The following BAX variants were observed in gnomAD, a reference collection of about 807,000 sequenced individuals.
BAX encodes the protein apoptosis regulator BAX.
In BAX, 21 loss-of-function variants were observed where a neutral mutation model predicts 26.8. That is an observed-to-expected ratio of 0.78 (90% CI 0.56 to 1.13). BAX has a LOEUF of 1.13. BAX is among the 50% of genes most tolerant of loss of function. The probability of loss-of-function intolerance (pLI) is 0.00; values close to 1 mark genes in which losing one functional copy is unlikely to be tolerated. For missense variants in BAX, 236 were observed against 254.6 expected (o/e 0.93, Z 0.50); for synonymous variants, 110 against 101.8 (o/e 1.08, Z -0.49).
At position 48,954,907 on chromosome 19, in the gene BAX, G is replaced by C. The variant is rs2038059753; in HGVS notation, c.-22G>C. On this transcript the variant is annotated 5_prime_UTR_variant, in exon 1 of 6. Transcript: ENST00000345358. Reference sequence around the variant, plus strand: ...GGCCGCCCGCGCGGACCCGGCGAGAGGCGGCGGCGGGAGCGGCGGTGATGG... The same window carrying C: ...GGCCGCCCGCGCGGACCCGGCGAGACGCGGCGGCGGGAGCGGCGGTGATGG... 1.6e-6 allele frequency: 2 copies of C among 1,232,352 alleles called. No individual in the cohort carries two copies. Among genetic ancestry groups the C allele is most frequent in the African/African-American group, 1.6e-5 (1 of 64,352 alleles). 76.3% of individuals were successfully genotyped at this position (1,232,352 alleles called of 1,614,324 possible).
At chr19:48,958,345 ATT>A (rs34043541) in intron 4 of BAX, among the ~76,000 whole-genome samples, 673 of 64,454 alleles carry the variant, frequency 0.01, 3 homozygotes, top group African/African-American at 0.033. Context: ...TTTTTGGAAG[ATT>A]TTTTTTTTTT....
chr19:48,954,924 C>A lies in BAX; in HGVS notation c.-5C>A. ...CGGCGAGAGGCGGCGGCGGGAGCGGCGGTGATGGACGGGTCCGGGGAGCAG... is the reference window on the plus strand; with the variant it reads ...CGGCGAGAGGCGGCGGCGGGAGCGGAGGTGATGGACGGGTCCGGGGAGCAG... On this transcript the variant is annotated 5_prime_UTR_variant, in exon 1 of 6. Transcript: ENST00000345358. The A allele has an allele frequency of 8.1e-7, 1 of 1,230,402 alleles. No individual in the cohort carries two copies. 76.2% of individuals were successfully genotyped at this position (1,230,402 alleles called of 1,614,324 possible).
chr19:48,956,516 T>C (rs1600103669), intron 4 of BAX, among the ~76,000 whole-genome samples, 183 bp downstream of exon 4: 1 of 152,212 alleles, frequency 6.6e-6, no homozygotes, highest in East Asian at 1.9e-4. Context: ...GGACCTGCTA[T>C]GTGCCAGGCC....
chr19:48,955,013 C>T lies in BAX; in HGVS notation c.34+51C>T, dbSNP rs534358981. 133 of 1,240,322 alleles carry T rather than the reference C, an allele frequency of 1.1e-4. No homozygotes were observed. The African/African-American group carries it at 1.6e-3, about 15-fold the overall frequency. The allele number at this position is 1,240,322 out of a possible 1,614,324, so 76.8% of individuals were successfully genotyped here. A position where few individuals can be genotyped will look rare whatever the true frequency, so the allele number is the denominator to read the frequency against. Reference sequence around the variant, plus strand: ...AGGAGGGCGAGCCCCCTCGCCGGCCCGTCCGGGATCCTTCCTACCGGCCTG... The same window carrying T: ...AGGAGGGCGAGCCCCCTCGCCGGCCTGTCCGGGATCCTTCCTACCGGCCTG... On this transcript the variant is annotated intron_variant, in intron 1 of 5. Transcript: ENST00000345358.
Position 48,956,237 on chromosome 19 carries a change from CT to C in BAX, c.278del (p.Phe93SerfsTer40). On this transcript the variant is annotated frameshift_variant, in exon 4 of 6. Transcript: ENST00000345358. LOFTEE classifies it high-confidence loss of function. Reference protein sequence around the residue: ...AVDTDSPREVFFRVAADMFSD... With the variant: ...AVDTDSPREVXFRVAADMFSD... ...TGGACACAGACTCCCCCCGAGAGGT[CT>C]TTTTCCGAGTGGCAGCTGACATGTT... is the stretch of plus-strand genomic sequence containing the variant. 3.8e-6 allele frequency: 6 copies of C among 1,591,058 alleles called. No individual in the cohort carries two copies. Among genetic ancestry groups the C allele is most frequent in the Admixed American group, 1.8e-5 (1 of 56,122 alleles).
intron 5 of BAX, 150 bp from the exon 6 acceptor site, chr19:48,961,382 T>A (rs964278592): frequency 1.7e-6 from 2 of 1,194,022 alleles, no homozygotes; most frequent in East Asian, 2.6e-5. Flanking sequence ...CCACCATGCC[T>A]GGCCTGAGTC....
At chr19:48,956,172 G>T (rs376411979) in intron 3 of BAX, 26 bp from the exon 4 acceptor site, 29 of 1,487,602 alleles carry the variant, frequency 1.9e-5, no homozygotes, top group Non-Finnish European at 2.6e-5. Flanking sequence ...CCTGCTCCCC[G>T]GCACTGGTTC....
At position 48,958,622 on chromosome 19, in the gene BAX, C is replaced by T. The variant is rs539489383; in HGVS notation, c.370-2188C>T. Among the ~76,000 whole-genome samples, 25 of 151,546 alleles carry T rather than the reference C, an allele frequency of 1.6e-4. No individual in the cohort carries two copies. The South Asian group carries it at 5.0e-3, about 30-fold the overall frequency. On this transcript the variant is annotated intron_variant, in intron 4 of 5. Coordinates refer to ENST00000345358, the MANE Select transcript of BAX (RefSeq NM_138761.4). ...GCAGTGGCGCGATCTCAGCTCACTG[C>T]AACCTCCACCTCCTGGGTTTAAGCG...
intron 5 of BAX, 61 bp downstream of exon 5, chr19:48,960,975 C>T: frequency 6.2e-7 from 1 of 1,612,550 alleles, no homozygotes; most frequent in Non-Finnish European, 8.5e-7. Context: ...CCCTGCCCCA[C>T]CGTCCCTGCC....
rs1271231510 is a variant in BAX at position 48,961,515 on chromosome 19, G to A, written c.475-17G>A. ...CCCTGGCCGAGTCACTGAAGCGACT[G>A]ATGTCCCTGTCTCCAGGACGGCCTC... On this transcript the variant is annotated splice_polypyrimidine_tract_variant and intron_variant, in intron 5 of 5. Transcript: ENST00000345358. 1.9e-6 allele frequency: 3 copies of A among 1,590,888 alleles called. No homozygotes were observed. Among genetic ancestry groups the A allele is most frequent in the East Asian group, 2.3e-5 (1 of 44,184 alleles).
Position 48,961,642 on chromosome 19 carries a change from C to A in BAX, c.*6C>A, listed in dbSNP as rs1470973715. 1 of 1,588,150 alleles carries A rather than the reference C, an allele frequency of 6.3e-7. No individual in the cohort carries two copies. ...TCTGGAAGAAGATGGGCTGAGGCCC[C>A]CAGCTGCCTTGGACTGTGTTTTTCC... On this transcript the variant is annotated 3_prime_UTR_variant, in exon 6 of 6. Transcript: ENST00000345358.
chr19:48,955,343 G>A (rs984380728), intron 1 of BAX: 12 of 529,526 alleles, frequency 2.3e-5, no homozygotes, highest in Admixed American at 1.5e-4. Context: ...TTTCCCCGGG[G>A]AGAATGTAGG....
rs1177987317 is a variant in BAX, at chr19:48,961,251, T to C, written c.475-281T>C. The C allele has an allele frequency of 1.6e-5, 5 of 309,906 alleles. No homozygotes were observed. The Admixed American group carries it at 2.4e-4, about 15-fold the overall frequency. The allele number at this position is 309,906 out of a possible 1,614,324, so 19.2% of individuals were successfully genotyped here. ...TGACCCTCTGACCCTAGCTCTTTCC[T>C]TTTTTTTTTTTTCCCCACTGAGAAG... On this transcript the variant is annotated intron_variant, in intron 5 of 5. Coordinates refer to ENST00000345358, the MANE Select transcript of BAX (RefSeq NM_138761.4).
chr19:48,961,713 C>A lies in BAX; in HGVS notation c.*77C>A. 2 of 1,170,184 alleles carry A rather than the reference C, an allele frequency of 1.7e-6. No homozygotes were observed. The highest frequency in any genetic ancestry group is 2.4e-5 in the Admixed American group (1 of 42,452). 72.5% of individuals were successfully genotyped at this position (1,170,184 alleles called of 1,614,324 possible). A position where few individuals can be genotyped will look rare whatever the true frequency, so the allele number is the denominator to read the frequency against. ...TCTGGGAGGGGTGGGGATTGGGGGA[C>A]GTGGGCATTTTTCTTACTTTTGTAA... On this transcript the variant is annotated 3_prime_UTR_variant, in exon 6 of 6. Coordinates refer to ENST00000345358, the MANE Select transcript of BAX (RefSeq NM_138761.4).
At position 48,955,564 on chromosome 19, in the gene BAX, G is replaced by C; in HGVS notation, c.51G>C (p.Glu17Asp). The change falls in exon 2 of 6, where the codon GAG (glutamate) becomes GAC (aspartate). Residue 17 changes from glutamate to aspartate, a missense_variant. Coordinates refer to ENST00000345358, the MANE Select transcript of BAX (RefSeq NM_138761.4). ...QPRGGGPTSS[E>D]QIMKTGALLL... The stretch of plus-strand genomic sequence containing the variant: ...CTCCTCTAGGGCCCACCAGCTCTGA[G>C]CAGATCATGAAGACAGGGGCCCTTT... 4 of 1,613,940 alleles carry C rather than the reference G, an allele frequency of 2.5e-6. No individual in the cohort carries two copies. The highest frequency in any genetic ancestry group is 1.7e-6 in the Non-Finnish European group (2 of 1,179,918).
intron 4 of BAX, among the ~76,000 whole-genome samples, chr19:48,958,086 G>A (rs1440247384): frequency 1.9e-5 from 1 of 51,400 alleles, no homozygotes; most frequent in Non-Finnish European, 4.0e-5. Flanking sequence ...GCAGAGGTGC[G>A]GGGGGGGCAT....
intron 5 of BAX, chr19:48,961,116 A>T: frequency 6.4e-7 from 1 of 1,561,144 alleles, no homozygotes; most frequent in South Asian, 1.2e-5. Flanking sequence ...CGATTCATCT[A>T]CCCTGCTGAC....
chr19:48,955,397 T>G, intron 1 of BAX, 151 bp from the exon 2 acceptor site: 3 of 828,736 alleles, frequency 3.6e-6, no homozygotes, highest in Non-Finnish European at 5.4e-6. Context: ...GGGACTCAGT[T>G]GTCTGGGCCC....
rs753430330 is a variant in BAX at position 48,960,860 on chromosome 19, A to G, written c.420A>G (p.Thr140=). 1 of 1,614,008 alleles carries G rather than the reference A, an allele frequency of 6.2e-7. No homozygotes were observed. Among genetic ancestry groups the G allele is most frequent in the Non-Finnish European group, 8.5e-7 (1 of 1,180,028 alleles). The change falls in exon 5 of 6, where the codon ACA becomes ACG. Residue 140 remains threonine (T), a synonymous_variant. Transcript: ENST00000345358. ...TGATCAGAACCATCATGGGCTGGAC[A>G]TTGGACTTCCTCCGGGAGCGGCTGT... is the stretch of plus-strand genomic sequence containing the variant. ...PELIRTIMGW[T]LDFLRERLLG...
Sources: allele counts gnomAD v4.1 joint callset (sites outside exome capture counted in the v4.1 genomes callset), GRCh38; gene constraint gnomAD v4.1.1; transcripts MANE v1.5; gene names NCBI Gene and HGNC (gene_info 2026-07-23, HGNC 2026-07-21).